OCRL: variants seen among roughly 807,000 people sequenced by gnomAD.
OCRL encodes OCRL inositol polyphosphate-5-phosphatase, also known as inositol polyphosphate 5-phosphatase OCRL.
A neutral mutation model predicts 78.9 loss-of-function variants in OCRL; 8 were observed. The observed-to-expected ratio is 0.10, with a 90% CI of 0.06 to 0.18. OCRL has a LOEUF of 0.18. OCRL is among the 10% of genes least tolerant of loss of function. The pLI is 1.00. For synonymous variants in OCRL, 240 were observed against 235.4 expected (o/e 1.02, Z -0.18); for missense variants, 454 against 696.7 (o/e 0.65, Z 3.92).
In OCRL at chrX:129,591,501, A is replaced by C. The variant is rs924161475; in HGVS notation, c.*1231A>C. The C allele has an allele frequency of 1.3e-4, 15 of 112,187 alleles. No homozygotes were observed. Among genetic ancestry groups the C allele is most frequent in the African/African-American group, 4.9e-4 (15 of 30,756 alleles). The allele number at this position is 112,187 out of a possible 1,213,427, so 9.2% of individuals were successfully genotyped here. A position where few individuals can be genotyped will look rare whatever the true frequency, so the allele number is the denominator to read the frequency against. On this transcript the variant is annotated 3_prime_UTR_variant, in exon 24 of 24. Transcript: ENST00000371113. Reference sequence around the variant, plus strand: ...GCTCTGTGGTACAGCCTTTTTTTAAAATAAATTAATCTATATTGGTTGACA... The same window carrying C: ...GCTCTGTGGTACAGCCTTTTTTTAACATAAATTAATCTATATTGGTTGACA...
chrX:129,548,127 G>C (rs1217157124), intron 3 of OCRL, among the ~76,000 whole-genome samples: 1 of 111,902 alleles, frequency 8.9e-6, no homozygotes. Context: ...GAATAGATCT[G>C]AGTTAAGAAA....
intron 10 of OCRL, 37 bp downstream of exon 10, chrX:129,561,330 T>A: frequency 1.2e-6 from 1 of 826,664 alleles, no homozygotes; most frequent in Non-Finnish European, 1.8e-6. Flanking sequence ...AGTGTATGAC[T>A]AAATAGGGCT....
At chrX:129,544,585 C>T (rs1432674345) in intron 2 of OCRL, among the ~76,000 whole-genome samples, 2 of 112,115 alleles carry the variant, frequency 1.8e-5, no homozygotes, top group East Asian at 2.8e-4. Flanking sequence ...AGGCTTTGTG[C>T]TAGGTACTAG....
At chrX:129,546,506 G>C (rs775000844) in intron 3 of OCRL, among the ~76,000 whole-genome samples, 1 of 112,145 alleles carries the variant, frequency 8.9e-6, no homozygotes, top group East Asian at 2.8e-4. Context: ...CATGTGTTAA[G>C]AATTAAAAAT....
chrX:129,563,458 T>G (rs939547918), intron 12 of OCRL, among the ~76,000 whole-genome samples: 4 of 112,253 alleles, frequency 3.6e-5, no homozygotes, highest in Non-Finnish European at 7.5e-5. Context: ...AAAATTATAT[T>G]GTGAGGTGCA....
At chrX:129,568,716 C>G (rs1400184542) in intron 14 of OCRL, among the ~76,000 whole-genome samples, 2 of 112,199 alleles carry the variant, frequency 1.8e-5, no homozygotes, top group Non-Finnish European at 3.8e-5. Context: ...TATTTCGTCT[C>G]TATTAGAAGA....
intron 16 of OCRL, chrX:129,575,605 C>T (rs1936358807): frequency 2.5e-6 from 1 of 393,781 alleles, no homozygotes; most frequent in South Asian, 3.9e-5. Context: ...GAAACCAGGA[C>T]TTGGTCACAG....
chrX:129,557,711 C>T (rs1387419270), intron 5 of OCRL, 150 bp from the exon 6 acceptor site: 1 of 564,187 alleles, frequency 1.8e-6, no homozygotes, highest in East Asian at 3.3e-5. Context: ...GACCCCAGAG[C>T]TGCCCTCATT....
At chrX:129,581,867 G>GTCTC in intron 18 of OCRL, among the ~76,000 whole-genome samples, 1 of 75,000 alleles carries the variant, frequency 1.3e-5, no homozygotes, top group East Asian at 6.4e-4. Flanking sequence ...CTCTCTCTCT[G>GTCTC]TCTCTGTCTC....
intron 6 of OCRL, 39 bp from the exon 7 acceptor site, chrX:129,558,593 GA>G (rs756833184): frequency 9.1e-6 from 11 of 1,206,620 alleles, no homozygotes; most frequent in Non-Finnish European, 1.2e-5. Flanking sequence ...TTGGATGTTA[GA>G]TTTTTTCCCC....
At position 129,540,724 on chromosome X, in the gene OCRL, C is replaced by T; in HGVS notation, c.40-20C>T. On this transcript the variant is annotated intron_variant, in intron 1 of 23. Transcript: ENST00000371113. ...CTCCCCACCGCGCTTCCGAAGGAGA[C>T]CCTTGACTAGCGCCCGCATACTGTC... 3.3e-6 allele frequency: 4 copies of T among 1,196,800 alleles called. No homozygotes were observed. In the South Asian group the frequency reaches 7.1e-5, roughly 21 times the overall value.
At chrX:129,578,151 G>T (rs1332114498) in intron 18 of OCRL, among the ~76,000 whole-genome samples, 1 of 111,331 alleles carries the variant, frequency 9.0e-6, no homozygotes, top group Admixed American at 9.6e-5. Context: ...AACAAAAAGG[G>T]CACACTTAAG....
At chrX:129,567,109 G>T in intron 13 of OCRL, 145 bp from the exon 14 acceptor site, 1 of 491,962 alleles carries the variant, frequency 2.0e-6, no homozygotes, top group South Asian at 2.9e-5. Context: ...ATAAGGTATA[G>T]AAATTTCATT....
chrX:129,541,181 T>A (rs933451062), intron 2 of OCRL, among the ~76,000 whole-genome samples: 1 of 112,497 alleles, frequency 8.9e-6, no homozygotes, highest in Non-Finnish European at 1.9e-5. Context: ...TGCCTTACCT[T>A]ACAGCCTTTG....
At chrX:129,557,619 A>G (rs1936075786) in intron 5 of OCRL, among the ~76,000 whole-genome samples, 184 bp downstream of exon 5, 1 of 110,890 alleles carries the variant, frequency 9.0e-6, no homozygotes, top group Non-Finnish European at 1.9e-5. Context: ...AGCTTTAAGG[A>G]CACTAGGCAA....
At chrX:129,586,747 C>T (rs1020707765) in intron 19 of OCRL, 3 of 474,935 alleles carry the variant, frequency 6.3e-6, no homozygotes. Context: ...ACAAGGCATC[C>T]ACGTAATAAA....
chrX:129,585,518 A>G (rs920837407), intron 19 of OCRL, among the ~76,000 whole-genome samples: 1 of 112,346 alleles, frequency 8.9e-6, no homozygotes, highest in East Asian at 2.8e-4. Flanking sequence ...CATTTGGTCC[A>G]GAGAGTTAGC....
At position 129,551,895 on chromosome X, in the gene OCRL, A is replaced by G. The variant is rs1281766475; in HGVS notation, c.238+3294A>G. The stretch of plus-strand genomic sequence containing the variant: ...TAAGAGGCAGGTTAAGATGGGAGAG[A>G]GAAGAATTTACCAGGTAAAGGGAAT... On this transcript the variant is annotated intron_variant, in intron 4 of 23. Transcript: ENST00000371113. 2.7e-5 allele frequency among the ~76,000 whole-genome samples: 3 copies of G among 111,595 alleles called. No homozygotes were observed. In the East Asian group the frequency reaches 8.4e-4, roughly 31 times the overall value.
chrX:129,586,314 G>A (rs1005103650), intron 19 of OCRL, among the ~76,000 whole-genome samples: 1 of 111,886 alleles, frequency 8.9e-6, no homozygotes, highest in African/African-American at 3.2e-5. Context: ...CCTAGAAACT[G>A]TAACTTCTGG....
Sources: gnomAD v4.1 joint callset for allele counts (sites outside exome capture counted in the v4.1 genomes callset) on GRCh38, gnomAD v4.1.1 for gene constraint, MANE v1.5 for transcripts, NCBI Gene and HGNC (gene_info 2026-07-23, HGNC 2026-07-21) for gene names.